Variants in LEF1 observed in about 807,000 individuals in gnomAD.
LEF1 encodes the protein lymphoid enhancer-binding factor 1.
In LEF1, 14 loss-of-function variants were observed where a neutral mutation model predicts 51.2. The ratio of observed to expected loss-of-function variants is 0.27; its 90% CI spans 0.18 to 0.43. The LOEUF is 0.43. Ranked by LOEUF, LEF1 falls within the 20% of genes least tolerant of loss-of-function variation. The pLI is 1.00. For synonymous variants in LEF1, 185 were observed against 183.2 expected, an observed-to-expected ratio of 1.01 and a Z score of -0.08; for missense variants, 386 against 512.0, an observed-to-expected ratio of 0.75 and a Z score of 2.37.
chr4:108,147,095 T>C (rs1744043513), intron 3 of LEF1, among the ~76,000 whole-genome samples: 1 of 151,980 alleles, frequency 6.6e-6, no homozygotes. Context: ...ACCATTGCAC[T>C]CCAGCCTGGG....
chr4:108,050,617 C>T (rs548012714), intron 11 of LEF1, among the ~76,000 whole-genome samples: 1 of 152,308 alleles, frequency 6.6e-6, no homozygotes, highest in East Asian at 1.9e-4. Flanking sequence ...CACAGATTTT[C>T]AAAGGCTTGG....
chr4:108,132,902 T>C (rs1213397418), intron 3 of LEF1, among the ~76,000 whole-genome samples: 1 of 151,754 alleles, frequency 6.6e-6, no homozygotes, highest in Non-Finnish European at 1.5e-5. Flanking sequence ...AACCCCTGGG[T>C]TCAAGCAATC....
chr4:108,093,401 C>A (rs1229378381), intron 3 of LEF1, among the ~76,000 whole-genome samples: 1 of 152,118 alleles, frequency 6.6e-6, no homozygotes, highest in Non-Finnish European at 1.5e-5. Context: ...ACACATCTCG[C>A]TGTAAGGGAG....
At chr4:108,088,744 A>AG (rs1228258733) in intron 4 of LEF1, among the ~76,000 whole-genome samples, 12 of 98,672 alleles carry the variant, frequency 1.2e-4, no homozygotes, top group Non-Finnish European at 2.7e-4. Flanking sequence ...ATTCAAAAGA[A>AG]TAAATCTCCT....
rs375944327 is a variant in LEF1, at chr4:108,115,846, T to C, written c.415-26589A>G. Among the ~76,000 whole-genome samples the C allele has an allele frequency of 2.6e-3, 368 of 139,284 alleles. 2 individuals are homozygous for C. Among genetic ancestry groups the C allele is most frequent in the African/African-American group, 8.1e-3 (299 of 36,748 alleles). 91.4% of individuals were successfully genotyped at this position (139,284 alleles called of 152,430 possible). The stretch of plus-strand genomic sequence containing the variant: ...AAAGGTCTGCCTATAATGTAACACA[T>C]ACACACACACACACACACACACACA... On this transcript the variant is annotated intron_variant, in intron 3 of 11. Transcript: ENST00000265165.
chr4:108,109,920 T>C (rs1741417780), intron 3 of LEF1, among the ~76,000 whole-genome samples: 1 of 152,108 alleles, frequency 6.6e-6, no homozygotes. Flanking sequence ...TAAAAAGAAG[T>C]CACCATTAGA....
chr4:108,069,136 C>T (rs994356752), intron 9 of LEF1, among the ~76,000 whole-genome samples: 10 of 152,136 alleles, frequency 6.6e-5, no homozygotes, highest in African/African-American at 2.4e-4. Context: ...CTTCTTCTAC[C>T]TTGCAAAGAT....
chr4:108,079,284 G>A (rs915076854), intron 7 of LEF1, among the ~76,000 whole-genome samples: 2 of 152,194 alleles, frequency 1.3e-5, no homozygotes, highest in African/African-American at 2.4e-5. Flanking sequence ...ATCTTTTAGG[G>A]TCCGTGCTCC....
At chr4:108,166,819 G>A (rs752047567) in intron 1 of LEF1, 20 of 985,858 alleles carry the variant, frequency 2.0e-5, no homozygotes, top group Non-Finnish European at 2.4e-5. Flanking sequence ...GTTTCCAAGT[G>A]ATGGCGGTTG....
intron 3 of LEF1, among the ~76,000 whole-genome samples, chr4:108,162,004 T>A (rs746123302): frequency 6.6e-6 from 1 of 152,202 alleles, no homozygotes; most frequent in South Asian, 2.1e-4. Flanking sequence ...TATATTTGTA[T>A]GTTTTGTTCA....
intron 8 of LEF1, 105 bp downstream of exon 8, chr4:108,078,115 G>T: frequency 9.8e-7 from 1 of 1,015,600 alleles, no homozygotes; most frequent in Non-Finnish European, 1.5e-6. Flanking sequence ...ATCTTGAAGT[G>T]CAAACACATT....
chr4:108,058,720 C>A (rs1158727425), intron 11 of LEF1, among the ~76,000 whole-genome samples: 2 of 152,202 alleles, frequency 1.3e-5, no homozygotes, highest in Non-Finnish European at 2.9e-5. Context: ...TCTTTTATAA[C>A]TACCCACTTA....
chr4:108,109,594 A>G (rs1741391631), intron 3 of LEF1, among the ~76,000 whole-genome samples: 1 of 152,246 alleles, frequency 6.6e-6, no homozygotes, highest in Non-Finnish European at 1.5e-5. Flanking sequence ...CATCTGGCAC[A>G]TAGCAAGTAC....
chr4:108,129,221 G>A (rs999239056), intron 3 of LEF1, among the ~76,000 whole-genome samples: 1 of 152,172 alleles, frequency 6.6e-6, no homozygotes, highest in Non-Finnish European at 1.5e-5. Flanking sequence ...AGTATATGGA[G>A]CTCTGGTCAA....
intron 1 of LEF1, among the ~76,000 whole-genome samples, chr4:108,165,536 T>C (rs1560836593): frequency 1.3e-5 from 2 of 152,204 alleles, no homozygotes; most frequent in African/African-American, 4.8e-5. Flanking sequence ...CGATAGCCTC[T>C]TCAACCACTG....
intron 3 of LEF1, among the ~76,000 whole-genome samples, chr4:108,115,846 T>TACACACACACAC (rs55839332): frequency 0.014 from 1,891 of 139,354 alleles, 52 homozygotes; most frequent in Middle Eastern, 0.022. Flanking sequence ...ATGTAACACA[T>TACACACACACAC]ACACACACAC....
chr4:108,154,794 T>C (rs1275777114), intron 3 of LEF1, among the ~76,000 whole-genome samples: 1 of 152,092 alleles, frequency 6.6e-6, no homozygotes, highest in Non-Finnish European at 1.5e-5. Context: ...TAAGGTACCA[T>C]TTATAGTGTT....
chr4:108,124,935 G>A (rs1578371800), intron 3 of LEF1, among the ~76,000 whole-genome samples: 1 of 152,108 alleles, frequency 6.6e-6, no homozygotes, highest in Admixed American at 6.5e-5. Context: ...TTACCAACCC[G>A]TGGGAGTCAT....
intron 3 of LEF1, among the ~76,000 whole-genome samples, chr4:108,115,593 G>C (rs932500181): frequency 6.6e-6 from 1 of 152,132 alleles, no homozygotes; most frequent in African/African-American, 2.4e-5. Flanking sequence ...ACTGGAAGAG[G>C]TTAAAGAGAG....
Sources: allele counts gnomAD v4.1 joint callset (sites outside exome capture counted in the v4.1 genomes callset), GRCh38; gene constraint gnomAD v4.1.1; transcripts MANE v1.5; gene names NCBI Gene and HGNC (gene_info 2026-07-23, HGNC 2026-07-21).